The following CADPS2 variants were observed in gnomAD, a reference collection of about 807,000 sequenced individuals.
The protein encoded by CADPS2 is calcium dependent secretion activator 2, also known as calcium-dependent secretion activator 2.
A neutral mutation model predicts 172.5 loss-of-function variants in CADPS2; 93 were observed. The ratio of observed to expected loss-of-function variants is 0.54; its 90% CI spans 0.46 to 0.64. The LOEUF is 0.64. Among genes scored for constraint, CADPS2 ranks in the 30% least tolerant of loss-of-function variants. The probability of loss-of-function intolerance (pLI) is 0.00; values close to 1 mark genes in which losing one functional copy is unlikely to be tolerated. For synonymous variants in CADPS2, 546 were observed against 555.2 expected, an observed-to-expected ratio of 0.98 and a Z score of 0.23; for missense variants, 1,420 against 1,565.9, an observed-to-expected ratio of 0.91 and a Z score of 1.57.
intron 25 of CADPS2, among the ~76,000 whole-genome samples, chr7:122,375,895 C>CA (rs555257466): frequency 0.24 from 32,964 of 138,018 alleles, 3,818 homozygotes; most frequent in African/African-American, 0.28. Flanking sequence ...ACTCAATAGC[C>CA]AAAAAAAAAA....
intron 1 of CADPS2, among the ~76,000 whole-genome samples, chr7:122,873,834 T>A (rs1000640775): frequency 1.3e-5 from 2 of 152,202 alleles, no homozygotes; most frequent in Non-Finnish European, 2.9e-5. Flanking sequence ...CAACATCTAT[T>A]GTTTCCTTTT....
chr7:122,679,807 G>A (rs893554041), intron 2 of CADPS2, among the ~76,000 whole-genome samples: 22 of 152,052 alleles, frequency 1.4e-4, no homozygotes, highest in Admixed American at 3.9e-4. Flanking sequence ...TTGAAATATC[G>A]GGGGCTGAAT....
chr7:122,645,353 G>GTA lies in CADPS2; in HGVS notation c.787-16027_787-16026dup, dbSNP rs1205078736. Among the ~76,000 whole-genome samples, 213 of 102,986 alleles carry GTA rather than the reference G, an allele frequency of 2.1e-3. 4 individuals are homozygous for GTA. Among genetic ancestry groups the GTA allele is most frequent in the Middle Eastern group, 0.02 (3 of 148 alleles). The allele number at this position is 102,986 out of a possible 152,430, so 67.6% of individuals were successfully genotyped here. ...TATATACACACATGTACATGTGTGT[G>GTA]TATACATGTACATGTATACACACAT... On this transcript the variant is annotated intron_variant, in intron 3 of 29. Transcript: ENST00000449022.
chr7:122,741,632 C>T (rs1455226659), intron 1 of CADPS2, among the ~76,000 whole-genome samples: 1 of 152,038 alleles, frequency 6.6e-6, no homozygotes, highest in Non-Finnish European at 1.5e-5. Flanking sequence ...AGATCCTATT[C>T]AACATTCTAA....
chr7:122,737,137 C>T (rs1420151232), intron 1 of CADPS2, 69 bp from the exon 2 acceptor site: 4 of 784,732 alleles, frequency 5.1e-6, no homozygotes, highest in South Asian at 1.5e-5. Flanking sequence ...TATTAAAAAT[C>T]ATATTTGCTG....
intron 8 of CADPS2, among the ~76,000 whole-genome samples, chr7:122,543,085 G>C (rs2063267398): frequency 6.6e-6 from 1 of 151,820 alleles, no homozygotes; most frequent in African/African-American, 2.4e-5. Flanking sequence ...TTAATAATCT[G>C]TGAATTCTGG....
intron 1 of CADPS2, among the ~76,000 whole-genome samples, chr7:122,786,285 A>G (rs1794023488): frequency 6.6e-6 from 1 of 152,242 alleles, no homozygotes. Flanking sequence ...AATGAGCATT[A>G]GAATGTAAAT....
intron 17 of CADPS2, among the ~76,000 whole-genome samples, chr7:122,420,121 C>T (rs916290989): frequency 2.0e-5 from 3 of 152,120 alleles, no homozygotes; most frequent in Non-Finnish European, 2.9e-5. Context: ...GTCATACAGA[C>T]AGAAATAATA....
At chr7:122,884,897 T>C (rs1823907332) in intron 1 of CADPS2, among the ~76,000 whole-genome samples, 1 of 152,164 alleles carries the variant, frequency 6.6e-6, no homozygotes, top group African/African-American at 2.4e-5. Context: ...TGAACTACAG[T>C]TATAGTTGAA....
At chr7:122,862,683 T>G (rs1817247285) in intron 1 of CADPS2, among the ~76,000 whole-genome samples, 1 of 152,138 alleles carries the variant, frequency 6.6e-6, no homozygotes, top group Admixed American at 6.6e-5. Flanking sequence ...AACTATTTTT[T>G]GCTGGACCCT....
chr7:122,713,920 A>G (rs1354789368), intron 2 of CADPS2, among the ~76,000 whole-genome samples: 2 of 152,128 alleles, frequency 1.3e-5, no homozygotes, highest in Admixed American at 6.6e-5. Context: ...AAGTAAAACA[A>G]AGAAGTAAAG....
chr7:122,519,422 C>G (rs2060615884), intron 8 of CADPS2, among the ~76,000 whole-genome samples: 1 of 152,066 alleles, frequency 6.6e-6, no homozygotes, highest in South Asian at 2.1e-4. Flanking sequence ...AAAATCTTTT[C>G]TTCTTGCATG....
intron 12 of CADPS2, among the ~76,000 whole-genome samples, chr7:122,475,379 C>A (rs918419563): frequency 2.0e-5 from 3 of 152,202 alleles, no homozygotes; most frequent in African/African-American, 7.2e-5. Context: ...GTGGACTCTT[C>A]TCACAATGGT....
intron 1 of CADPS2, among the ~76,000 whole-genome samples, chr7:122,803,974 G>GAAAAAAAAAAAAA (rs869246600): frequency 5.4e-4 from 46 of 85,104 alleles, no homozygotes; most frequent in African/African-American, 1.8e-3. Context: ...GGCTTGAATG[G>GAAAAAAAAAAAAA]AAAAAAAAAA....
At chr7:122,409,406 G>T (rs1326358818) in intron 19 of CADPS2, among the ~76,000 whole-genome samples, 1 of 151,886 alleles carries the variant, frequency 6.6e-6, no homozygotes, top group Admixed American at 6.6e-5. Context: ...ATTCCTAAAG[G>T]TCTTCTTAAA....
At chr7:122,726,182 T>C (rs185373511) in intron 2 of CADPS2, among the ~76,000 whole-genome samples, 14 of 151,894 alleles carry the variant, frequency 9.2e-5, no homozygotes, top group Admixed American at 7.2e-4. Context: ...ATGACAAAAA[T>C]GAATATTCTT....
intron 2 of CADPS2, among the ~76,000 whole-genome samples, chr7:122,688,818 C>T (rs1014337418): frequency 6.6e-6 from 1 of 152,146 alleles, no homozygotes; most frequent in Non-Finnish European, 1.5e-5. Flanking sequence ...TCAGCCTGTC[C>T]TTGACAAAAG....
chr7:122,424,265 T>G (rs2048878041), intron 17 of CADPS2: 1 of 865,498 alleles, frequency 1.2e-6, no homozygotes. Flanking sequence ...GAATTAACCA[T>G]GCTAATAATA....
At chr7:122,511,724 A>T (rs771428408) in intron 9 of CADPS2, among the ~76,000 whole-genome samples, 3 of 152,206 alleles carry the variant, frequency 2.0e-5, no homozygotes, top group Non-Finnish European at 2.9e-5. Flanking sequence ...TGCTGTTTCC[A>T]TGAAAAATCA....
Sources: allele counts gnomAD v4.1 joint callset (sites outside exome capture counted in the v4.1 genomes callset), GRCh38; gene constraint gnomAD v4.1.1; transcripts MANE v1.5; gene names NCBI Gene and HGNC (gene_info 2026-07-23, HGNC 2026-07-21).